The following CNTNAP2 variants were observed in gnomAD, a reference collection of about 807,000 sequenced individuals.
CNTNAP2 encodes contactin associated protein 2, also known as contactin-associated protein-like 2.
Under a neutral mutation model 155.2 loss-of-function variants are expected in CNTNAP2, and 98 were observed. The ratio of observed to expected loss-of-function variants is 0.63; its 90% CI spans 0.54 to 0.75. The LOEUF (loss-of-function observed/expected upper bound fraction) is 0.75. Among genes scored for constraint, CNTNAP2 ranks in the 30% least tolerant of loss-of-function variants. The pLI, the probability that CNTNAP2 is intolerant of heterozygous loss-of-function variation, is 0.00. For synonymous variants in CNTNAP2, 651 were observed against 631.2 expected (o/e 1.03, Z -0.47); for missense variants, 1,727 against 1,688.1 (o/e 1.02, Z -0.40).
chr7:147,566,828 C>T (rs960093814), intron 12 of CNTNAP2, among the ~76,000 whole-genome samples: 3 of 151,980 alleles, frequency 2.0e-5, no homozygotes, highest in South Asian at 2.1e-4. Flanking sequence ...TTAGGGTTCT[C>T]GTGTTAAAAT....
intron 3 of CNTNAP2, among the ~76,000 whole-genome samples, chr7:147,010,126 C>G (rs1004105902): frequency 1.3e-5 from 2 of 151,178 alleles, no homozygotes; most frequent in African/African-American, 4.9e-5. Flanking sequence ...TCTTCCACCT[C>G]GGCCTCCCGA....
Position 146,436,675 on chromosome 7 carries a change from A to ATGTGTGAGTGTGTGTG in CNTNAP2, c.97+319702_97+319703insTGTGTGAGTGTGTGTG, listed in dbSNP as rs1796248184. On this transcript the variant is annotated intron_variant, in intron 1 of 23. Transcript: ENST00000361727. ...TTGTATCCTGGAAACAGAAACCTCT[A>ATGTGTGAGTGTGTGTG]AAACTTGATAAATATTTTTAAGAAC... 1.0e-3 allele frequency among the ~76,000 whole-genome samples: 152 copies of ATGTGTGAGTGTGTGTG among 151,954 alleles called. 1 individual carries two copies. Among genetic ancestry groups the ATGTGTGAGTGTGTGTG allele is most frequent in the African/African-American group, 3.5e-3 (145 of 41,206 alleles).
chr7:148,105,568 A>C (rs1804190858), intron 15 of CNTNAP2, among the ~76,000 whole-genome samples: 1 of 151,180 alleles, frequency 6.6e-6, no homozygotes, highest in Admixed American at 6.6e-5. Flanking sequence ...TCGGTTTTGC[A>C]TTTTATTTTA....
intron 1 of CNTNAP2, among the ~76,000 whole-genome samples, chr7:146,249,191 AT>A (rs1799717743): frequency 6.6e-6 from 1 of 152,120 alleles, no homozygotes; most frequent in African/African-American, 2.4e-5. Flanking sequence ...GTCACAGGGG[AT>A]ATGATGGCTT....
chr7:147,697,537 G>GT (rs1030486379), intron 13 of CNTNAP2, among the ~76,000 whole-genome samples: 43 of 152,132 alleles, frequency 2.8e-4, no homozygotes, highest in African/African-American at 7.5e-4. Context: ...TATGGTTTTT[G>GT]TTTTTTTGCC....
At chr7:146,729,253 A>G (rs901605410) in intron 1 of CNTNAP2, among the ~76,000 whole-genome samples, 1 of 152,154 alleles carries the variant, frequency 6.6e-6, no homozygotes, top group Non-Finnish European at 1.5e-5. Context: ...CCATACACAT[A>G]TACTGTTGAG....
chr7:148,279,456 TG>T (rs1311409945), intron 21 of CNTNAP2, among the ~76,000 whole-genome samples: 1 of 152,226 alleles, frequency 6.6e-6, no homozygotes, highest in Non-Finnish European at 1.5e-5. Flanking sequence ...CCTGAATAGC[TG>T]GCCCAGTGGT....
intron 3 of CNTNAP2, among the ~76,000 whole-genome samples, chr7:146,842,576 G>A (rs1005282227): frequency 2.0e-5 from 3 of 152,118 alleles, no homozygotes; most frequent in Non-Finnish European, 4.4e-5. Flanking sequence ...TGTATAGGAA[G>A]CATGGCTTTG....
chr7:146,446,913 C>T (rs1796410057), intron 1 of CNTNAP2, among the ~76,000 whole-genome samples: 1 of 151,972 alleles, frequency 6.6e-6, no homozygotes, highest in Non-Finnish European at 1.5e-5. Flanking sequence ...GCTCTGTATA[C>T]AGCATATTAA....
chr7:148,400,782 C>T (rs1402268363), intron 22 of CNTNAP2, among the ~76,000 whole-genome samples: 1 of 152,070 alleles, frequency 6.6e-6, no homozygotes, highest in African/African-American at 2.4e-5. Flanking sequence ...GAGTTCGAGA[C>T]CAGCCTAACC....
chr7:147,313,448 A>T (rs1795163498), intron 9 of CNTNAP2, among the ~76,000 whole-genome samples: 1 of 151,112 alleles, frequency 6.6e-6, no homozygotes, highest in Non-Finnish European at 1.5e-5. Flanking sequence ...TGTAAGGTGT[A>T]AGGAAGGGAT....
intron 9 of CNTNAP2, among the ~76,000 whole-genome samples, chr7:147,308,167 T>C (rs186961889): frequency 1.3e-5 from 2 of 152,192 alleles, no homozygotes; most frequent in East Asian, 1.9e-4. Context: ...AGAAGAACAC[T>C]CTTGGTAGAG....
chr7:147,819,365 C>T (rs1186611257), intron 13 of CNTNAP2, among the ~76,000 whole-genome samples: 7 of 152,160 alleles, frequency 4.6e-5, no homozygotes, highest in Admixed American at 4.6e-4. Flanking sequence ...CTGAAAAGGT[C>T]TACCAGTCAG....
At chr7:147,679,309 A>G (rs1795914248) in intron 13 of CNTNAP2, among the ~76,000 whole-genome samples, 1 of 151,970 alleles carries the variant, frequency 6.6e-6, no homozygotes, top group Non-Finnish European at 1.5e-5. Context: ...TTTCTATAAT[A>G]TGATACACTA....
intron 1 of CNTNAP2, among the ~76,000 whole-genome samples, chr7:146,361,000 C>T (rs781651897): frequency 1.8e-4 from 28 of 152,110 alleles, no homozygotes; most frequent in Non-Finnish European, 3.2e-4. Context: ...CATATAACAT[C>T]GTGATGTTTA....
intron 1 of CNTNAP2, among the ~76,000 whole-genome samples, chr7:146,483,310 TATATATATATATATATATAC>T (rs1381827912): frequency 0.022 from 1,971 of 90,434 alleles, 113 homozygotes; most frequent in African/African-American, 0.08. Context: ...TATATATATA[TATATATATATATATATATAC>T]ATATATATAT....
intron 13 of CNTNAP2, among the ~76,000 whole-genome samples, chr7:147,830,538 C>A (rs560383641): frequency 6.6e-6 from 1 of 152,250 alleles, no homozygotes; most frequent in Non-Finnish European, 1.5e-5. Context: ...AAACTGTAGG[C>A]AAGCTGTAAA....
chr7:147,059,772 T>C (rs1018121545), intron 4 of CNTNAP2, among the ~76,000 whole-genome samples: 9 of 152,122 alleles, frequency 5.9e-5, no homozygotes, highest in Non-Finnish European at 1.3e-4. Context: ...AAAACCGAAG[T>C]TGAAGAAGTG....
rs557697736 is a variant in CNTNAP2, at chr7:146,797,306, C to T, written c.208+22925C>T. 3.3e-5 allele frequency among the ~76,000 whole-genome samples: 5 copies of T among 152,184 alleles called. No homozygotes were observed. In the South Asian group the frequency reaches 1.0e-3, roughly 32 times the overall value. ...GGCATGTGTGCAAAGCATTGAATTACAAAATAACAAGGGAAAAGGTGTTCA... is the reference window on the plus strand; with the variant it reads ...GGCATGTGTGCAAAGCATTGAATTATAAAATAACAAGGGAAAAGGTGTTCA... On this transcript the variant is annotated intron_variant, in intron 2 of 23. Coordinates refer to ENST00000361727, the MANE Select transcript of CNTNAP2 (RefSeq NM_014141.6).
Sources: gnomAD v4.1 joint callset for allele counts (sites outside exome capture counted in the v4.1 genomes callset) on GRCh38, gnomAD v4.1.1 for gene constraint, MANE v1.5 for transcripts, NCBI Gene and HGNC (gene_info 2026-07-23, HGNC 2026-07-21) for gene names.